The following ARHGAP15 variants were observed in gnomAD, a reference collection of about 807,000 sequenced individuals.
ARHGAP15 encodes Rho GTPase activating protein 15.
Under a neutral mutation model 63.7 loss-of-function variants are expected in ARHGAP15, and 51 were observed. The observed-to-expected ratio is 0.80, with a 90% CI of 0.64 to 1.01. The LOEUF (loss-of-function observed/expected upper bound fraction) is 1.01. Among genes scored for constraint, ARHGAP15 ranks in the 50% least tolerant of loss-of-function variants. The pLI is 0.00. For synonymous variants in ARHGAP15, 191 were observed against 193.8 expected (o/e 0.99, Z 0.12); for missense variants, 560 against 564.6 (o/e 0.99, Z 0.08).
intron 6 of ARHGAP15, among the ~76,000 whole-genome samples, chr2:143,275,168 A>G (rs1681481649): frequency 6.6e-6 from 1 of 152,152 alleles, no homozygotes; most frequent in Non-Finnish European, 1.5e-5. Context: ...AAAACAAAAC[A>G]AAAAAGCAGA....
At chr2:143,391,999 G>C (rs918130280) in intron 6 of ARHGAP15, among the ~76,000 whole-genome samples, 1 of 152,030 alleles carries the variant, frequency 6.6e-6, no homozygotes, top group East Asian at 1.9e-4. Flanking sequence ...GATTCCTGAG[G>C]GGAAATTAGA....
intron 1 of ARHGAP15, among the ~76,000 whole-genome samples, chr2:143,150,051 G>A (rs970364188): frequency 6.6e-6 from 1 of 151,904 alleles, no homozygotes; most frequent in Non-Finnish European, 1.5e-5. Context: ...ATGCTGGGGG[G>A]TGTGGGCCCT....
chr2:143,195,159 C>T (rs1341609989), intron 2 of ARHGAP15, among the ~76,000 whole-genome samples: 3 of 151,784 alleles, frequency 2.0e-5, no homozygotes, highest in Non-Finnish European at 4.4e-5. Flanking sequence ...ATAAGAGTGT[C>T]AGATTTCTGA....
At chr2:143,407,595 G>A (rs936122848) in intron 6 of ARHGAP15, among the ~76,000 whole-genome samples, 9 of 151,688 alleles carry the variant, frequency 5.9e-5, no homozygotes, top group African/African-American at 2.2e-4. Flanking sequence ...TTGTTGCTTT[G>A]ATGGAAATGT....
chr2:143,362,319 T>C, intron 6 of ARHGAP15, among the ~76,000 whole-genome samples: 1 of 152,208 alleles, frequency 6.6e-6, no homozygotes, highest in African/African-American at 2.4e-5. Flanking sequence ...GGCTATTCTG[T>C]GGCAAAAAGC....
chr2:143,200,315 A>G (rs1692057400), intron 2 of ARHGAP15, among the ~76,000 whole-genome samples: 1 of 151,822 alleles, frequency 6.6e-6, no homozygotes, highest in South Asian at 2.1e-4. Flanking sequence ...CAGTTTTCCT[A>G]GAGCAAATGT....
At chr2:143,403,115 T>C (rs1444659817) in intron 6 of ARHGAP15, among the ~76,000 whole-genome samples, 3 of 151,966 alleles carry the variant, frequency 2.0e-5, no homozygotes, top group Non-Finnish European at 4.4e-5. Flanking sequence ...TTAAATTCAG[T>C]TGGCTGAAAT....
chr2:143,184,474 T>C (rs977969815), intron 2 of ARHGAP15, among the ~76,000 whole-genome samples: 1 of 152,166 alleles, frequency 6.6e-6, no homozygotes, highest in African/African-American at 2.4e-5. Context: ...GGAAGTAGAT[T>C]CTTATGTGGC....
At chr2:143,519,462 T>C (rs1032241859) in intron 10 of ARHGAP15, 98 bp downstream of exon 10, 2 of 932,888 alleles carry the variant, frequency 2.1e-6, no homozygotes, top group African/African-American at 3.4e-5. Flanking sequence ...TGAGAAGCCA[T>C]GCAATTAAAA....
chr2:143,342,942 ATG>A (rs950821139), intron 6 of ARHGAP15, among the ~76,000 whole-genome samples: 36 of 151,902 alleles, frequency 2.4e-4, no homozygotes, highest in Admixed American at 1.2e-3. Context: ...AACCGCATAT[ATG>A]TGTGTGTGTG....
chr2:143,354,226 C>T (rs1439317021), intron 6 of ARHGAP15, among the ~76,000 whole-genome samples: 1 of 152,148 alleles, frequency 6.6e-6, no homozygotes, highest in Non-Finnish European at 1.5e-5. Context: ...ACTGCAGCTC[C>T]TCCCTCCAAG....
chr2:143,651,977 C>T (rs2105300932), intron 12 of ARHGAP15, among the ~76,000 whole-genome samples: 1 of 152,018 alleles, frequency 6.6e-6, no homozygotes, highest in South Asian at 2.1e-4. Context: ...ACCATCCTTT[C>T]TCTTTTTTGT....
chr2:143,584,164 G>A (rs1697015896), intron 11 of ARHGAP15, among the ~76,000 whole-genome samples: 1 of 152,116 alleles, frequency 6.6e-6, no homozygotes, highest in African/African-American at 2.4e-5. Flanking sequence ...TCCCAACAGG[G>A]TAGATGAAAA....
intron 10 of ARHGAP15, among the ~76,000 whole-genome samples, chr2:143,537,398 C>G (rs971931579): frequency 2.0e-5 from 3 of 152,084 alleles, no homozygotes; most frequent in Non-Finnish European, 2.9e-5. Context: ...TCCCATTTGT[C>G]AATTTTGGCT....
chr2:143,135,470 A>G (rs541198446), intron 1 of ARHGAP15, among the ~76,000 whole-genome samples: 9 of 152,346 alleles, frequency 5.9e-5, no homozygotes, highest in African/African-American at 1.9e-4. Flanking sequence ...TATGCTACTT[A>G]GCCAATGAAA....
In ARHGAP15 at chr2:143,466,988, G is replaced by A. The variant is rs140570039; in HGVS notation, c.704-20385G>A. 4.6e-3 allele frequency among the ~76,000 whole-genome samples: 702 copies of A among 152,074 alleles called. 7 individuals are homozygous for A. Among genetic ancestry groups the A allele is most frequent in the African/African-American group, 0.016 (654 of 41,504 alleles). On this transcript the variant is annotated intron_variant, in intron 8 of 13. Transcript: ENST00000295095. Reference sequence around the variant, plus strand: ...ATTGGGCACAGCTGCTCCCTTACAAGCATTAAAAGGAAAAAATAAAGGAAA... The same window carrying A: ...ATTGGGCACAGCTGCTCCCTTACAAACATTAAAAGGAAAAAATAAAGGAAA...
intron 12 of ARHGAP15, among the ~76,000 whole-genome samples, chr2:143,676,751 T>A (rs1682844742): frequency 6.6e-6 from 1 of 151,762 alleles, no homozygotes; most frequent in Non-Finnish European, 1.5e-5. Context: ...AAAATAATAA[T>A]GAAAAAGTTT....
intron 6 of ARHGAP15, among the ~76,000 whole-genome samples, chr2:143,397,035 C>G (rs1319715307): frequency 6.6e-6 from 1 of 152,022 alleles, no homozygotes; most frequent in Non-Finnish European, 1.5e-5. Context: ...ATAGAGTTCT[C>G]CTCCTCCACA....
intron 10 of ARHGAP15, among the ~76,000 whole-genome samples, chr2:143,545,798 T>C (rs1333322075): frequency 6.6e-6 from 1 of 152,180 alleles, no homozygotes; most frequent in Non-Finnish European, 1.5e-5. Flanking sequence ...ATCACCTGCA[T>C]TTCCTTGGGT....
Sources: gnomAD v4.1 joint callset for allele counts (sites outside exome capture counted in the v4.1 genomes callset) on GRCh38, gnomAD v4.1.1 for gene constraint, MANE v1.5 for transcripts, NCBI Gene and HGNC (gene_info 2026-07-23, HGNC 2026-07-21) for gene names.